Variants in PARP16 observed in about 807,000 individuals in gnomAD.
PARP16 encodes protein mono-ADP-ribosyltransferase PARP16.
PARP16 carries 31 observed loss-of-function variants against 35.0 expected under a neutral mutation model. That is an observed-to-expected ratio of 0.88 (90% CI 0.66 to 1.19). PARP16 has a LOEUF of 1.19. Among genes scored for constraint, PARP16 ranks in the 50% most tolerant of loss-of-function variants. The pLI, the probability that PARP16 is intolerant of heterozygous loss-of-function variation, is 0.00. For missense variants in PARP16, 424 were observed against 411.2 expected (o/e 1.03, Z -0.27); for synonymous variants, 162 against 169.5 (o/e 0.96, Z 0.34).
At chr15:65,254,014 C>T (rs2089434985), downstream of PARP16, among the ~76,000 whole-genome samples, 1 of 152,060 alleles carries the variant, frequency 6.6e-6, no homozygotes, top group South Asian at 2.1e-4. Context: ...GAAGGGGTTT[C>T]ACCATGTTGG....
rs757220100 is a variant in PARP16, at chr15:65,286,392, G to A, written c.35C>T (p.Ala12Val). 1.3e-6 allele frequency: 2 copies of A among 1,553,556 alleles called. No homozygotes were observed. Reference sequence around the variant, plus strand: ...GGCGGCCAGCATGTCGCGGCCCGCCGCCTCCCTGGCGGCCGCCCAGCCTGA... The same window carrying A: ...GGCGGCCAGCATGTCGCGGCCCGCCACCTCCCTGGCGGCCGCCCAGCCTGA... Reference protein sequence around the residue: ...QPSGWAAAREAAGRDMLAADL... With the variant: ...QPSGWAAAREVAGRDMLAADL... Residue 12 changes from alanine to valine, a missense_variant, in exon 1 of 6, where the codon GCG becomes GTG. Coordinates refer to ENST00000649807, the MANE Select transcript of PARP16 (RefSeq NM_001316943.2).
rs969368337 is a variant in PARP16 at position 65,261,109 on chromosome 15, C to T, written c.692-83G>A. 6 of 1,361,248 alleles carry T rather than the reference C, an allele frequency of 4.4e-6. No individual in the cohort carries two copies. The African/African-American group carries it at 8.6e-5, about 19-fold the overall frequency. The allele number at this position is 1,361,248 out of a possible 1,614,324, so 84.3% of individuals were successfully genotyped here. A position where few individuals can be genotyped will look rare whatever the true frequency, so the allele number is the denominator to read the frequency against. On this transcript the variant is annotated intron_variant, in intron 4 of 5. Coordinates refer to ENST00000649807, the MANE Select transcript of PARP16 (RefSeq NM_001316943.2). ...TTATAAATAGAAATAAGTCAAGCCT[C>T]CTGGTGCTGAGGGGGAAGAAGGCCT...
chr15:65,252,396 T>C (rs1227300991), intron 2 of PARP16, among the ~76,000 whole-genome samples: 1 of 152,216 alleles, frequency 6.6e-6, no homozygotes, highest in Non-Finnish European at 1.5e-5. Context: ...AGACCTCTGA[T>C]AGGCAATATA....
chr15:65,269,113 T>C (rs1438791123), intron 2 of PARP16, among the ~76,000 whole-genome samples: 1 of 152,084 alleles, frequency 6.6e-6, no homozygotes, highest in African/African-American at 2.4e-5. Context: ...GTTACACCTA[T>C]AGTCCCAGTT....
rs1327244044 is a variant in PARP16, at chr15:65,258,508, G to A, written c.*899C>T. 6.6e-6 allele frequency: 1 copy of A among 152,316 alleles called. No individual in the cohort carries two copies. Among genetic ancestry groups the A allele is most frequent in the Non-Finnish European group, 1.5e-5 (1 of 68,064 alleles). 9.4% of individuals were successfully genotyped at this position (152,316 alleles called of 1,614,324 possible). A position where few individuals can be genotyped will look rare whatever the true frequency, so the allele number is the denominator to read the frequency against. On this transcript the variant is annotated 3_prime_UTR_variant, in exon 6 of 6. Transcript: ENST00000649807. The stretch of plus-strand genomic sequence containing the variant: ...CAGGCCACAGTCAAGGCAGCTTTGT[G>A]AGAATGAGAACAGGAGGCGAGCCTA...
intron 1 of PARP16, among the ~76,000 whole-genome samples, chr15:65,273,149 G>C (rs1420280345): frequency 4.6e-5 from 7 of 151,838 alleles, no homozygotes; most frequent in Admixed American, 1.3e-4. Context: ...GTGGTGGCAT[G>C]TGCCTGTAGT....
downstream of PARP16, among the ~76,000 whole-genome samples, chr15:65,256,629 A>C (rs1363088161): frequency 4.0e-5 from 6 of 151,870 alleles, no homozygotes; most frequent in African/African-American, 1.5e-4. Context: ...GGACGGTCTC[A>C]ATCTCCTGAC....
chr15:65,243,599 A>G (rs1220228753), intron 3 of PARP16, among the ~76,000 whole-genome samples: 1 of 152,104 alleles, frequency 6.6e-6, no homozygotes, highest in Non-Finnish European at 1.5e-5. Context: ...GGCCTCATAG[A>G]ATAAGTTGGG....
At chr15:65,279,565 G>C (rs1172777969) in intron 1 of PARP16, among the ~76,000 whole-genome samples, 1 of 152,004 alleles carries the variant, frequency 6.6e-6, no homozygotes, top group Non-Finnish European at 1.5e-5. Flanking sequence ...TCAGACCTGT[G>C]TACTTTTTCT....
intron 4 of PARP16, among the ~76,000 whole-genome samples, chr15:65,261,793 AG>A (rs797004128): frequency 6.6e-5 from 10 of 152,156 alleles, no homozygotes; most frequent in African/African-American, 2.4e-4. Flanking sequence ...TCTGGATTTG[AG>A]GTTCTTAGAA....
In PARP16 at chr15:65,260,752, G is replaced by A. The variant is rs551356909; in HGVS notation, c.833+133C>T. ...CAGATCCTATCTCTCACTTCTCACC[G>A]TGTCCAGCATGGTGCTTTACATACT... On this transcript the variant is annotated intron_variant, in intron 5 of 5. Coordinates refer to ENST00000649807, the MANE Select transcript of PARP16 (RefSeq NM_001316943.2). The A allele has an allele frequency of 1.7e-4, 130 of 743,594 alleles. 2 individuals carry two copies. In the South Asian group the frequency reaches 2.3e-3, roughly 13 times the overall value. The allele number at this position is 743,594 out of a possible 1,614,324, so 46.1% of individuals were successfully genotyped here.
chr15:65,238,355 C>G (rs886197814), intron 3 of PARP16, among the ~76,000 whole-genome samples: 4 of 152,136 alleles, frequency 2.6e-5, no homozygotes, highest in Admixed American at 6.6e-5. Flanking sequence ...TCTCCTGGAG[C>G]CCAGGCATCC....
intron 1 of PARP16, chr15:65,282,596 C>G (rs1373816278): frequency 6.6e-6 from 1 of 152,220 alleles, no homozygotes; most frequent in Non-Finnish European, 1.5e-5. Context: ...AGCCAAGAAT[C>G]TATGTAGTCT....
intron 3 of PARP16, among the ~76,000 whole-genome samples, chr15:65,239,529 G>C (rs1183549007): frequency 1.3e-5 from 2 of 148,340 alleles, no homozygotes; most frequent in South Asian, 2.1e-4. Context: ...AAGTTTTCTC[G>C]TGCTCCTTTG....
intron 2 of PARP16, 137 bp downstream of exon 2, chr15:65,270,798 A>C (rs1184154658): frequency 1.1e-5 from 9 of 804,952 alleles, no homozygotes; most frequent in African/African-American, 1.7e-5. Context: ...GAAAGTCTAA[A>C]GGTGAGGACC....
chr15:65,249,295 G>T (rs1595991584), intron 2 of PARP16, among the ~76,000 whole-genome samples: 1 of 152,352 alleles, frequency 6.6e-6, no homozygotes, highest in African/African-American at 2.4e-5. Context: ...AATGGTGTGG[G>T]AATCTAATTC....
chr15:65,246,679 C>T (rs1424445431), intron 3 of PARP16, among the ~76,000 whole-genome samples: 1 of 152,148 alleles, frequency 6.6e-6, no homozygotes, highest in Non-Finnish European at 1.5e-5. Flanking sequence ...TTTCATAGTA[C>T]TTATCTGTAC....
intron 2 of PARP16, among the ~76,000 whole-genome samples, chr15:65,267,476 G>A (rs2089936459): frequency 6.6e-6 from 1 of 150,548 alleles, no homozygotes; most frequent in Non-Finnish European, 1.5e-5. Flanking sequence ...GCGTGGTGGT[G>A]GGCGCCTGTA....
At chr15:65,253,618 C>T (rs2089419752), downstream of PARP16, among the ~76,000 whole-genome samples, 1 of 152,142 alleles carries the variant, frequency 6.6e-6, no homozygotes, top group South Asian at 2.1e-4. Context: ...GCGTGAGCCA[C>T]CGCGCCCGGC....
Sources: gnomAD v4.1 joint callset for allele counts (sites outside exome capture counted in the v4.1 genomes callset) on GRCh38, gnomAD v4.1.1 for gene constraint, MANE v1.5 for transcripts, NCBI Gene and HGNC (gene_info 2026-07-23, HGNC 2026-07-21) for gene names.